Variants in PPP6R3 observed in about 807,000 individuals in gnomAD.
PPP6R3 encodes the protein serine/threonine-protein phosphatase 6 regulatory subunit 3.
In PPP6R3, 38 loss-of-function variants were observed where a neutral mutation model predicts 110.7. The ratio of observed to expected loss-of-function variants is 0.34; its 90% CI spans 0.26 to 0.45. PPP6R3 has a LOEUF of 0.45. Among genes scored for constraint, PPP6R3 ranks in the 20% least tolerant of loss-of-function variants. The pLI is 1.00. For synonymous variants in PPP6R3, 369 were observed against 373.5 expected (o/e 0.99, Z 0.14); for missense variants, 870 against 1,062.4 (o/e 0.82, Z 2.52).
intron 1 of PPP6R3, among the ~76,000 whole-genome samples, chr11:68,497,203 C>T (rs1266279628): frequency 5.9e-4 from 70 of 118,998 alleles, no homozygotes; most frequent in South Asian, 3.3e-4. Flanking sequence ...CCCGCCACCA[C>T]GCCCGGCTAA....
chr11:68,552,460 T>G lies in PPP6R3; in HGVS notation c.618+1274T>G, dbSNP rs145280386. 7.3e-3 allele frequency among the ~76,000 whole-genome samples: 1,108 copies of G among 152,362 alleles called. 9 individuals carry two copies. The highest frequency in any genetic ancestry group is 0.027 in the Middle Eastern group (8 of 294). On this transcript the variant is annotated intron_variant, in intron 6 of 23. Coordinates refer to ENST00000393800, the MANE Select transcript of PPP6R3 (RefSeq NM_001164161.2). ...CTGTCACTTCCCCATTATCCCTCTT[T>G]GGGAGAATGCAAGGTATGCTCCTTT... is the stretch of plus-strand genomic sequence containing the variant.
chr11:68,580,744 ATCTTTTTTTTTTTTTTTTTTTTTT>A (rs2099550364), intron 14 of PPP6R3, among the ~76,000 whole-genome samples: 1 of 99,114 alleles, frequency 1.0e-5, no homozygotes, highest in Non-Finnish European at 2.1e-5. Context: ...TGGGTAAATA[ATCTTTTTTTTTTTTTTTTTTTTTT>A]TTTTTTTTTT....
chr11:68,542,399 T>TTTTTTTTTTTTTG (rs2099323794), intron 3 of PPP6R3, among the ~76,000 whole-genome samples: 2 of 109,364 alleles, frequency 1.8e-5, no homozygotes, highest in Non-Finnish European at 3.7e-5. Flanking sequence ...GTTTTTTTTT[T>TTTTTTTTTTTTTG]TTTTTTTTTT....
chr11:68,484,997 A>G (rs2098937398), intron 1 of PPP6R3, among the ~76,000 whole-genome samples: 1 of 152,218 alleles, frequency 6.6e-6, no homozygotes, highest in South Asian at 2.1e-4. Context: ...TCATGACAAT[A>G]TTGAACCTTC....
intron 2 of PPP6R3, among the ~76,000 whole-genome samples, chr11:68,536,122 A>G (rs2099269440): frequency 6.6e-6 from 1 of 152,126 alleles, no homozygotes; most frequent in Non-Finnish European, 1.5e-5. Context: ...TTATTCCTGG[A>G]TTGATCAGTG....
chr11:68,574,036 C>A, intron 12 of PPP6R3, 73 bp from the exon 13 acceptor site: 2 of 1,043,866 alleles, frequency 1.9e-6, no homozygotes, highest in Non-Finnish European at 3.0e-6. Context: ...TTTAAAAGTC[C>A]GCAGTATTTA....
At chr11:68,461,689 G>GTA (rs1353715010) in intron 1 of PPP6R3, among the ~76,000 whole-genome samples, 1 of 152,128 alleles carries the variant, frequency 6.6e-6, no homozygotes, top group Non-Finnish European at 1.5e-5. Flanking sequence ...GTGACTTAAT[G>GTA]TCATTTTCCT....
At chr11:68,479,763 G>C (rs1247854560) in intron 1 of PPP6R3, among the ~76,000 whole-genome samples, 1 of 151,048 alleles carries the variant, frequency 6.6e-6, no homozygotes, top group East Asian at 1.9e-4. Flanking sequence ...TTTTGAGACA[G>C]GTCCTTGCTC....
At chr11:68,545,527 A>G (rs1288665249) in intron 4 of PPP6R3, among the ~76,000 whole-genome samples, 2 of 152,256 alleles carry the variant, frequency 1.3e-5, no homozygotes, top group African/African-American at 2.4e-5. Context: ...ATCTGAGTGT[A>G]TAGACTGCTG....
chr11:68,504,709 A>G (rs1267447655), intron 1 of PPP6R3, among the ~76,000 whole-genome samples: 1 of 152,188 alleles, frequency 6.6e-6, no homozygotes, highest in Non-Finnish European at 1.5e-5. Context: ...TAGTGTAGGA[A>G]GATTTTCTTG....
At chr11:68,510,459 C>G (rs1045581951) in intron 1 of PPP6R3, among the ~76,000 whole-genome samples, 5 of 151,968 alleles carry the variant, frequency 3.3e-5, no homozygotes, top group Non-Finnish European at 5.9e-5. Context: ...CTCAGCCTCT[C>G]GAGTAGCTGG....
chr11:68,526,698 G>A (rs2099200551), intron 2 of PPP6R3, among the ~76,000 whole-genome samples: 1 of 152,014 alleles, frequency 6.6e-6, no homozygotes, highest in South Asian at 2.1e-4. Flanking sequence ...GACTACCATT[G>A]TGCCATCCTT....
intron 23 of PPP6R3, 151 bp from the exon 24 acceptor site, chr11:68,612,915 C>T: frequency 7.1e-7 from 1 of 1,411,144 alleles, no homozygotes. Context: ...GCTTTTGCTC[C>T]ATTCATTTAC....
In PPP6R3 at chr11:68,477,741, A is replaced by AAAAAAAAAATAT; in HGVS notation, c.-158+16915_-158+16916insAAAAAAAATATA. 1.0e-4 allele frequency among the ~76,000 whole-genome samples: 6 copies of AAAAAAAAAATAT among 57,906 alleles called. No homozygotes were observed. The South Asian group carries it at 1.8e-3, about 17-fold the overall frequency. The allele number at this position is 57,906 out of a possible 152,430, so 38.0% of individuals were successfully genotyped here. A position where few individuals can be genotyped will look rare whatever the true frequency, so the allele number is the denominator to read the frequency against. ...GACATTGTCTCTTAAAAAAAAAAAA[A>AAAAAAAAAATAT]ATATATATATATATATATATATATA... On this transcript the variant is annotated intron_variant, in intron 1 of 23. Coordinates refer to ENST00000393800, the MANE Select transcript of PPP6R3 (RefSeq NM_001164161.2).
At chr11:68,483,865 T>G (rs1057022679) in intron 1 of PPP6R3, among the ~76,000 whole-genome samples, 5 of 152,226 alleles carry the variant, frequency 3.3e-5, no homozygotes, top group Non-Finnish European at 7.3e-5. Context: ...GCCCTACAGA[T>G]CCTCTGTGCC....
At chr11:68,575,362 A>G (rs553610313) in intron 13 of PPP6R3, among the ~76,000 whole-genome samples, 1 of 152,306 alleles carries the variant, frequency 6.6e-6, no homozygotes, top group African/African-American at 2.4e-5. Context: ...ATTTCTCTAG[A>G]AGGTAGAATT....
chr11:68,473,841 G>A (rs566373168), intron 1 of PPP6R3, among the ~76,000 whole-genome samples: 1 of 150,630 alleles, frequency 6.6e-6, no homozygotes, highest in African/African-American at 2.5e-5. Context: ...TTTGGCTGTT[G>A]TGAGTAATAC....
intron 14 of PPP6R3, 84 bp downstream of exon 14, chr11:68,576,127 A>G: frequency 2.0e-6 from 2 of 987,038 alleles, no homozygotes; most frequent in Non-Finnish European, 3.1e-6. Flanking sequence ...AAGATCTTCC[A>G]TTTACCTCAG....
intron 2 of PPP6R3, among the ~76,000 whole-genome samples, chr11:68,535,705 G>GTT (rs1289443186): frequency 6.6e-6 from 1 of 150,636 alleles, no homozygotes; most frequent in Non-Finnish European, 1.5e-5. Flanking sequence ...ACTCATGCCT[G>GTT]TAATGCCAGC....
Sources: gnomAD v4.1 joint callset for allele counts (sites outside exome capture counted in the v4.1 genomes callset) on GRCh38, gnomAD v4.1.1 for gene constraint, MANE v1.5 for transcripts, NCBI Gene and HGNC (gene_info 2026-07-23, HGNC 2026-07-21) for gene names.